The following CHM variants were observed in gnomAD, a reference collection of about 807,000 sequenced individuals.
The protein encoded by CHM is CHM Rab escort protein, also known as rab proteins geranylgeranyltransferase component A 1.
CHM carries 10 observed loss-of-function variants against 49.0 expected under a neutral mutation model. The ratio of observed to expected loss-of-function variants is 0.20; its 90% CI spans 0.13 to 0.35. CHM has a LOEUF of 0.35. CHM is among the 10% of genes least tolerant of loss of function. The pLI is 1.00. For synonymous variants in CHM, 184 were observed against 167.5 expected (o/e 1.10, Z -0.76); for missense variants, 455 against 478.4 (o/e 0.95, Z 0.46).
chrX:85,939,063 T>G (rs1422939280), intron 8 of CHM, among the ~76,000 whole-genome samples: 1 of 112,124 alleles, frequency 8.9e-6, no homozygotes, highest in Non-Finnish European at 1.9e-5. Flanking sequence ...TTGCCTACAG[T>G]ATTCAGTGCA....
At chrX:86,007,683 A>C (rs1238622220) in intron 2 of CHM, among the ~76,000 whole-genome samples, 1 of 112,673 alleles carries the variant, frequency 8.9e-6, no homozygotes, top group Non-Finnish European at 1.9e-5. Context: ...TCATCTGAGA[A>C]ATACAAATCA....
At chrX:86,035,126 C>G (rs1481997640) in intron 1 of CHM, among the ~76,000 whole-genome samples, 4 of 112,025 alleles carry the variant, frequency 3.6e-5, no homozygotes, top group Non-Finnish European at 5.6e-5. Flanking sequence ...CTCCTGAAAA[C>G]AAAGAAGAGA....
intron 8 of CHM, among the ~76,000 whole-genome samples, chrX:85,954,294 G>A (rs768457313): frequency 5.4e-5 from 6 of 111,929 alleles, no homozygotes; most frequent in East Asian, 2.8e-4. Context: ...GCAAAGATAC[G>A]GAGAAAAGGG....
intron 9 of CHM, chrX:85,903,493 C>T: frequency 2.8e-6 from 1 of 356,374 alleles, no homozygotes; most frequent in South Asian, 2.7e-5. Flanking sequence ...TTAGAAAGAA[C>T]TAATGGAGAT....
Position 85,981,820 on chromosome X carries a change from TA to T in CHM, c.117-12del, listed in dbSNP as rs372213887. On this transcript the variant is annotated splice_polypyrimidine_tract_variant and intron_variant, in intron 2 of 14. Transcript: ENST00000357749. ...CCATAGTAGCTTCTTCTGTAACAATTAAAAAAAAAAAAAAAAGTAAAGAAAA... is the reference window on the plus strand; with the variant it reads ...CCATAGTAGCTTCTTCTGTAACAATTAAAAAAAAAAAAAAAGTAAAGAAAA... 0.078 allele frequency: 64,665 copies of T among 826,980 alleles called. 9 individuals carry two copies. Among genetic ancestry groups the T allele is most frequent in the East Asian group, 0.15 (3,106 of 21,393 alleles). 68.2% of individuals were successfully genotyped at this position (826,980 alleles called of 1,213,427 possible). A position where few individuals can be genotyped will look rare whatever the true frequency, so the allele number is the denominator to read the frequency against.
intron 14 of CHM, among the ~76,000 whole-genome samples, chrX:85,865,453 C>T (rs1368190881): frequency 2.7e-5 from 3 of 111,835 alleles, no homozygotes; most frequent in African/African-American, 9.8e-5. Context: ...TTTTTGTTTA[C>T]AAATTACCTA....
In CHM at chrX:85,986,378, G is replaced by T. The variant is rs185488714; in HGVS notation, c.117-4569C>A. On this transcript the variant is annotated intron_variant, in intron 2 of 14. Coordinates refer to ENST00000357749, the MANE Select transcript of CHM (RefSeq NM_000390.4). Reference sequence around the variant, plus strand: ...GGGCAGCCCAGGAGCACCAAGCTATGGTCTACAGCCAGCACTCAAAGGGGA... The same window carrying T: ...GGGCAGCCCAGGAGCACCAAGCTATTGTCTACAGCCAGCACTCAAAGGGGA... Among the ~76,000 whole-genome samples, 1,066 of 111,733 alleles carry T rather than the reference G, an allele frequency of 9.5e-3. 16 individuals carry two copies. Among genetic ancestry groups the T allele is most frequent in the African/African-American group, 0.033 (1,007 of 30,727 alleles).
chrX:85,968,531 T>C (rs1391299133), intron 4 of CHM, among the ~76,000 whole-genome samples: 2 of 112,047 alleles, frequency 1.8e-5, no homozygotes, highest in Non-Finnish European at 3.8e-5. Flanking sequence ...CCAATTATGA[T>C]AATTTTACCT....
chrX:85,892,971 T>C (rs931706179), intron 12 of CHM, among the ~76,000 whole-genome samples: 1 of 111,841 alleles, frequency 8.9e-6, no homozygotes, highest in African/African-American at 3.2e-5. Context: ...TATGAATCCC[T>C]AGAGTACACT....
At chrX:86,042,821 T>A (rs1248939667) in intron 1 of CHM, among the ~76,000 whole-genome samples, 6 of 107,214 alleles carry the variant, frequency 5.6e-5, no homozygotes, top group Non-Finnish European at 7.7e-5. Flanking sequence ...AGACCCTGTC[T>A]CAAAAAAAAA....
At chrX:85,946,845 C>A (rs1036327813) in intron 8 of CHM, among the ~76,000 whole-genome samples, 1 of 112,324 alleles carries the variant, frequency 8.9e-6, no homozygotes, top group Non-Finnish European at 1.9e-5. Context: ...GCCACAGGCA[C>A]TCAACAACCT....
At chrX:85,970,971 A>G in intron 4 of CHM, 1 of 697,070 alleles carries the variant, frequency 1.4e-6, no homozygotes, top group Non-Finnish European at 1.7e-6. Flanking sequence ...CAACGTATTA[A>G]ATTTAATGTT....
In CHM at chrX:85,879,093, G is replaced by C. The variant is rs5968705; in HGVS notation, c.1511-30C>G. 0.021 allele frequency: 20,616 copies of C among 993,489 alleles called. 1,590 individuals are homozygous for C. The African/African-American group carries it at 0.27, about 13-fold the overall frequency. The allele number at this position is 993,489 out of a possible 1,213,427, so 81.9% of individuals were successfully genotyped here. ...TAAAAAAAAAATATTTGAGTTCCTT[G>C]TCATCACAAATCTATTTTACTTATA... On this transcript the variant is annotated intron_variant, in intron 12 of 14. Transcript: ENST00000357749.
At position 85,862,659 on chromosome X, in the gene CHM, G is replaced by A. The variant is rs1923423082; in HGVS notation, c.*1971C>T. The A allele has an allele frequency of 8.9e-6, 1 of 111,914 alleles. No homozygotes were observed. Among genetic ancestry groups the A allele is most frequent in the Non-Finnish European group, 1.9e-5 (1 of 53,208 alleles). The allele number at this position is 111,914 out of a possible 1,213,427, so 9.2% of individuals were successfully genotyped here. Reference sequence around the variant, plus strand: ...GATGGGGAGGGGCTGTACACTGGGAGGTAGGGATAGGAGCAGCCTGAGAGG... The same window carrying A: ...GATGGGGAGGGGCTGTACACTGGGAAGTAGGGATAGGAGCAGCCTGAGAGG... On this transcript the variant is annotated 3_prime_UTR_variant, in exon 15 of 15. Transcript: ENST00000357749.
chrX:85,943,525 T>G (rs1051819823), intron 8 of CHM, among the ~76,000 whole-genome samples: 1 of 111,902 alleles, frequency 8.9e-6, no homozygotes, highest in African/African-American at 3.2e-5. Context: ...CATTTTGTAT[T>G]GGGCACAGAA....
rs143212912 is a variant in CHM at position 85,873,158 on chromosome X, C to G, written c.1664G>C (p.Arg555Thr). Reference protein sequence around the residue: ...RILWALYFNMRDSSDISRSCY... With the variant: ...RILWALYFNMTDSSDISRSCY... ...GCTCCTGCTGATGTCTGACGAATCTCTCATATTGAAGTAAAGAGCCCACAG... is the reference window on the plus strand; with the variant it reads ...GCTCCTGCTGATGTCTGACGAATCTGTCATATTGAAGTAAAGAGCCCACAG... The change falls in exon 14 of 15, where the codon AGA becomes ACA. Residue 555 changes from arginine to threonine, a missense_variant. By Grantham distance (71) the Arg-to-Thr change is moderately conservative. Transcript: ENST00000357749. 8.1e-5 allele frequency: 98 copies of G among 1,205,757 alleles called. No homozygotes were observed. The highest frequency in any genetic ancestry group is 1.0e-4 in the Non-Finnish European group (93 of 891,229).
intron 12 of CHM, among the ~76,000 whole-genome samples, chrX:85,885,423 TGAA>T: frequency 9.0e-6 from 1 of 110,579 alleles, no homozygotes; most frequent in East Asian, 2.8e-4. Context: ...AAATTTTTAC[TGAA>T]GAATTCCCAT....
intron 5 of CHM, among the ~76,000 whole-genome samples, chrX:85,959,278 T>A (rs1930169574): frequency 8.9e-6 from 1 of 112,068 alleles, no homozygotes; most frequent in African/African-American, 3.2e-5. Context: ...TATATTTCAC[T>A]GCAGAAATAA....
chrX:86,007,935 C>T (rs1190967542), intron 2 of CHM, among the ~76,000 whole-genome samples: 1 of 112,130 alleles, frequency 8.9e-6, no homozygotes, highest in Non-Finnish European at 1.9e-5. Context: ...ATAAATCATG[C>T]TACTATAAAG....
Sources: allele counts gnomAD v4.1 joint callset (sites outside exome capture counted in the v4.1 genomes callset), GRCh38; gene constraint gnomAD v4.1.1; transcripts MANE v1.5; gene names NCBI Gene and HGNC (gene_info 2026-07-23, HGNC 2026-07-21).